Variants in SFMBT2 observed in about 807,000 individuals in gnomAD.
SFMBT2 encodes Scm like with four mbt domains 2, also known as scm-like with four MBT domains protein 2.
Under a neutral mutation model 110.1 loss-of-function variants are expected in SFMBT2, and 38 were observed. The observed-to-expected ratio is 0.35, with a 90% CI of 0.27 to 0.45. The LOEUF is 0.45. Among genes scored for constraint, SFMBT2 ranks in the 20% least tolerant of loss-of-function variants. The pLI, the probability that SFMBT2 is intolerant of heterozygous loss-of-function variation, is 1.00. For synonymous variants in SFMBT2, 425 were observed against 425.4 expected (o/e 1.00, Z 0.01); for missense variants, 1,011 against 1,094.9 (o/e 0.92, Z 1.08).
At chr10:7,308,374 C>T (rs1032972539) in intron 4 of SFMBT2, among the ~76,000 whole-genome samples, 1 of 151,856 alleles carries the variant, frequency 6.6e-6, no homozygotes. Context: ...AACAAACAAA[C>T]AACAACAAAA....
chr10:7,255,323 T>G (rs1442330803), intron 7 of SFMBT2, among the ~76,000 whole-genome samples: 1 of 152,226 alleles, frequency 6.6e-6, no homozygotes, highest in Non-Finnish European at 1.5e-5. Context: ...TCATTCACAC[T>G]TTGCAATTAT....
chr10:7,379,610 C>T (rs1368899465), intron 2 of SFMBT2, among the ~76,000 whole-genome samples: 2 of 152,136 alleles, frequency 1.3e-5, no homozygotes, highest in African/African-American at 4.8e-5. Context: ...ACAGAAATCC[C>T]AAGGCGAAAG....
At chr10:7,180,671 G>A (rs180765263) in intron 16 of SFMBT2, among the ~76,000 whole-genome samples, 1 of 152,256 alleles carries the variant, frequency 6.6e-6, no homozygotes, top group East Asian at 1.9e-4. Flanking sequence ...GGTCCCAAGG[G>A]CCCTCCTTGA....
intron 1 of SFMBT2, among the ~76,000 whole-genome samples, chr10:7,393,143 G>A (rs1475244156): frequency 6.6e-6 from 1 of 150,632 alleles, no homozygotes; most frequent in African/African-American, 2.4e-5. Flanking sequence ...TGATTCTCCT[G>A]CCTCAGCCTC....
rs575706863 is a variant in SFMBT2, at chr10:7,326,101, T to C, written c.437-40147A>G. 1.5e-4 allele frequency among the ~76,000 whole-genome samples: 23 copies of C among 152,352 alleles called. No homozygotes were observed. The South Asian group carries it at 4.6e-3, about 30-fold the overall frequency. On this transcript the variant is annotated intron_variant, in intron 4 of 20. Coordinates refer to ENST00000397167, the MANE Select transcript of SFMBT2 (RefSeq NM_001387889.1). ...GATTGAAATATCAACAGGGATATTGTAGTCCCTGATTTTCTAAGAGTAAAC... is the reference window on the plus strand; with the variant it reads ...GATTGAAATATCAACAGGGATATTGCAGTCCCTGATTTTCTAAGAGTAAAC...
Position 7,202,348 on chromosome 10 carries a change from T to A in SFMBT2, c.1487+132A>T, listed in dbSNP as rs562302711. On this transcript the variant is annotated intron_variant, in intron 13 of 20. Transcript: ENST00000397167. ...TACATAACAAATAACAGTCACTATGTTTTACTGCTACCTCTACTAGGGTGC... is the reference window on the plus strand; with the variant it reads ...TACATAACAAATAACAGTCACTATGATTTACTGCTACCTCTACTAGGGTGC... The A allele has an allele frequency of 1.9e-5, 22 of 1,151,996 alleles. No individual in the cohort carries two copies. In the East Asian group the frequency reaches 5.4e-4, roughly 28 times the overall value. The allele number at this position is 1,151,996 out of a possible 1,614,324, so 71.4% of individuals were successfully genotyped here.
Position 7,164,407 on chromosome 10 carries a change from T to C in SFMBT2, c.2545-497A>G, listed in dbSNP as rs1012906904. The C allele has an allele frequency of 3.0e-6, 3 of 984,256 alleles. No individual in the cohort carries two copies. The East Asian group carries it at 3.4e-4, about 112-fold the overall frequency. The allele number at this position is 984,256 out of a possible 1,614,324, so 61.0% of individuals were successfully genotyped here. On this transcript the variant is annotated intron_variant, in intron 20 of 20. Coordinates refer to ENST00000397167, the MANE Select transcript of SFMBT2 (RefSeq NM_001387889.1). ...TCTAAACAACAACAAAAAACAACAA[T>C]ACAAATACAAGAGCTTTTGGCTAAG...
At chr10:7,310,774 G>A (rs780897608) in intron 4 of SFMBT2, among the ~76,000 whole-genome samples, 21 of 151,980 alleles carry the variant, frequency 1.4e-4, no homozygotes, top group Non-Finnish European at 2.6e-4. Flanking sequence ...GGCTAGACGC[G>A]GTGGCTCATG....
chr10:7,194,317 G>A (rs1032893638), intron 15 of SFMBT2, among the ~76,000 whole-genome samples: 2 of 152,176 alleles, frequency 1.3e-5, no homozygotes, highest in Non-Finnish European at 2.9e-5. Flanking sequence ...CAAGTGAGTA[G>A]AGCCATGCAT....
At chr10:7,318,985 A>G (rs781489527) in intron 4 of SFMBT2, among the ~76,000 whole-genome samples, 6 of 152,216 alleles carry the variant, frequency 3.9e-5, no homozygotes, top group Non-Finnish European at 8.8e-5. Flanking sequence ...CCAACTTGGC[A>G]TCTCTGACAA....
chr10:7,213,450 T>C (rs1358212258), intron 11 of SFMBT2, among the ~76,000 whole-genome samples: 1 of 151,678 alleles, frequency 6.6e-6, no homozygotes, highest in East Asian at 1.9e-4. Context: ...CGGACTGAAG[T>C]GACTCATGGG....
chr10:7,219,430 TC>T (rs1338543610), intron 11 of SFMBT2, among the ~76,000 whole-genome samples: 2 of 152,376 alleles, frequency 1.3e-5, no homozygotes, highest in East Asian at 3.9e-4. Context: ...ATGACTGTTT[TC>T]CACATTTCCC....
At chr10:7,175,675 C>T (rs919084989) in intron 17 of SFMBT2, among the ~76,000 whole-genome samples, 2 of 152,182 alleles carry the variant, frequency 1.3e-5, no homozygotes, top group African/African-American at 2.4e-5. Flanking sequence ...CTGTGCTCTC[C>T]TGCCATCCAT....
chr10:7,340,884 G>T (rs1012210845), intron 4 of SFMBT2, among the ~76,000 whole-genome samples: 3 of 151,814 alleles, frequency 2.0e-5, no homozygotes, highest in African/African-American at 7.3e-5. Flanking sequence ...ATTCTTTGGG[G>T]TACACAGAAA....
At chr10:7,300,061 C>A (rs1842514448) in intron 4 of SFMBT2, among the ~76,000 whole-genome samples, 1 of 152,110 alleles carries the variant, frequency 6.6e-6, no homozygotes, top group African/African-American at 2.4e-5. Context: ...AAAACTAACA[C>A]AGAAACAGAA....
At chr10:7,324,961 CTT>C (rs869253757) in intron 4 of SFMBT2, among the ~76,000 whole-genome samples, 3 of 92,134 alleles carry the variant, frequency 3.3e-5, no homozygotes, top group Non-Finnish European at 6.0e-5. Context: ...AGAGGCCCCA[CTT>C]TTTTTTTTTT....
chr10:7,221,994 C>A (rs2692811), intron 10 of SFMBT2, among the ~76,000 whole-genome samples: 139,662 of 152,254 alleles, frequency 0.92, 64,088 homozygotes, highest in Admixed American at 0.93. Context: ...TTTCCTTTAT[C>A]TTTCTTTATA....
chr10:7,192,700 C>T (rs1418497310), intron 15 of SFMBT2, among the ~76,000 whole-genome samples: 1 of 152,198 alleles, frequency 6.6e-6, no homozygotes, highest in Non-Finnish European at 1.5e-5. Flanking sequence ...CCCAAACCGC[C>T]AGGTCCCACT....
chr10:7,332,030 A>G (rs901386789), intron 4 of SFMBT2, among the ~76,000 whole-genome samples: 2 of 141,310 alleles, frequency 1.4e-5, no homozygotes, highest in African/African-American at 2.7e-5. Context: ...AAAAAAAAAA[A>G]AAAAAAAGGA....
Sources: allele counts gnomAD v4.1 joint callset (sites outside exome capture counted in the v4.1 genomes callset), GRCh38; gene constraint gnomAD v4.1.1; transcripts MANE v1.5; gene names NCBI Gene and HGNC (gene_info 2026-07-23, HGNC 2026-07-21).